ATOH8: variants seen among roughly 807,000 people sequenced by gnomAD.
ATOH8 encodes the protein atonal bHLH transcription factor 8.
Under a neutral mutation model 21.2 loss-of-function variants are expected in ATOH8, and 9 were observed. That is an observed-to-expected ratio of 0.42 (90% CI 0.26 to 0.74). The LOEUF is 0.74. Ranked by LOEUF, ATOH8 falls within the 30% of genes least tolerant of loss-of-function variation. The probability of loss-of-function intolerance (pLI) is 0.24; values close to 1 mark genes in which losing one functional copy is unlikely to be tolerated. For missense variants in ATOH8, 524 were observed against 470.9 expected (o/e 1.11, Z -1.04); for synonymous variants, 253 against 224.0 (o/e 1.13, Z -1.16).
intron 2 of ATOH8, among the ~76,000 whole-genome samples, chr2:85,786,015 C>T (rs1680613815): frequency 6.6e-6 from 1 of 152,150 alleles, no homozygotes; most frequent in Admixed American, 6.5e-5. Context: ...CATGACCTTG[C>T]CCCCTGTCCC....
chr2:85,758,692 C>T (rs985815691), intron 1 of ATOH8, among the ~76,000 whole-genome samples: 3 of 152,140 alleles, frequency 2.0e-5, no homozygotes, highest in East Asian at 1.9e-4. Flanking sequence ...GAGAGGCCCT[C>T]TGGTCTGGTC....
chr2:85,767,400 G>A (rs961008429), intron 2 of ATOH8, among the ~76,000 whole-genome samples: 1 of 151,768 alleles, frequency 6.6e-6, no homozygotes, highest in Non-Finnish European at 1.5e-5. Flanking sequence ...AGGGGCCAGG[G>A]GAAGCCCAGG....
chr2:85,771,169 C>T (rs1360393141), intron 2 of ATOH8, among the ~76,000 whole-genome samples: 1 of 152,168 alleles, frequency 6.6e-6, no homozygotes, highest in East Asian at 1.9e-4. Context: ...CAGGAACGCA[C>T]GCTATGGCGG....
chr2:85,768,893 C>T (rs1160497893), intron 2 of ATOH8, among the ~76,000 whole-genome samples: 2 of 152,238 alleles, frequency 1.3e-5, no homozygotes, highest in African/African-American at 2.4e-5. Context: ...TGTCAGAGGC[C>T]GCCCAGCAGA....
At chr2:85,773,798 C>T (rs72928951) in intron 2 of ATOH8, 7 of 152,264 alleles carry the variant, frequency 4.6e-5, no homozygotes. Flanking sequence ...TCTCAGCTTT[C>T]CTCCCACTTC....
At position 85,755,604 on chromosome 2, in the gene ATOH8, G is replaced by A. The variant is rs571669206; in HGVS notation, c.768+647G>A. 2.6e-5 allele frequency among the ~76,000 whole-genome samples: 4 copies of A among 152,334 alleles called. No homozygotes were observed. The East Asian group carries it at 7.7e-4, about 29-fold the overall frequency. ...AGCAGGCAGCTCTGCCGAGGGGACT[G>A]CCTAGGTTGGGGATTCCCTCTGGAG... is the stretch of plus-strand genomic sequence containing the variant. On this transcript the variant is annotated intron_variant, in intron 1 of 2. Transcript: ENST00000306279.
intron 2 of ATOH8, among the ~76,000 whole-genome samples, chr2:85,782,609 A>G (rs1680525020): frequency 6.6e-6 from 1 of 152,258 alleles, no homozygotes; most frequent in Admixed American, 6.5e-5. Flanking sequence ...AACATCTTGC[A>G]ATATATAAAG....
At position 85,759,389 on chromosome 2, in the gene ATOH8, C is replaced by T. The variant is rs934697084; in HGVS notation, c.768+4432C>T. On this transcript the variant is annotated intron_variant, in intron 1 of 2. Transcript: ENST00000306279. Reference sequence around the variant, plus strand: ...GTGGCTGCCGTGGAGCCTCACTGCACTGAGTGAGGCCTTACCTGAGCCTGC... The same window carrying T: ...GTGGCTGCCGTGGAGCCTCACTGCATTGAGTGAGGCCTTACCTGAGCCTGC... Among the ~76,000 whole-genome samples the T allele has an allele frequency of 7.9e-5, 12 of 152,266 alleles. 1 individual carries two copies. The highest frequency in any genetic ancestry group is 7.2e-4 in the Admixed American group (11 of 15,296).
At chr2:85,774,700 C>CA in intron 2 of ATOH8, 1 of 985,460 alleles carries the variant, frequency 1.0e-6, no homozygotes, top group Non-Finnish European at 1.2e-6. Context: ...CCCTACAGGC[C>CA]AAGGGATGAG....
At chr2:85,758,500 G>A (rs77035871) in intron 1 of ATOH8, among the ~76,000 whole-genome samples, 6,369 of 152,284 alleles carry the variant, frequency 0.042, 453 homozygotes, top group East Asian at 0.24. Flanking sequence ...CTTGGGTTGG[G>A]CTCCCAGGGC....
At chr2:85,780,810 C>T (rs559876245) in intron 2 of ATOH8, among the ~76,000 whole-genome samples, 5 of 152,248 alleles carry the variant, frequency 3.3e-5, no homozygotes, top group African/African-American at 7.2e-5. Context: ...CCTCCAAGCC[C>T]GGACACAGCA....
At chr2:85,781,205 T>C (rs1282057388) in intron 2 of ATOH8, 2 of 414,888 alleles carry the variant, frequency 4.8e-6, no homozygotes, top group East Asian at 1.6e-4. Flanking sequence ...TATGGGACAA[T>C]AGTTAACCAA....
rs1680015328 is a variant in ATOH8 at position 85,766,352 on chromosome 2, CGG to C, written c.960+2172_960+2173del. On this transcript the variant is annotated intron_variant, in intron 2 of 2. Transcript: ENST00000306279. This position sits in a 1 kb window ranked among gnomAD's most constrained non-coding sequence, Gnocchi z 4.0. ...CACCCTCCCTCCCCCACACCCAGCC[CGG>C]GCCTGAGGGCACTTCCTGCCTCCTG... Among the ~76,000 whole-genome samples the C allele has an allele frequency of 6.6e-6, 1 of 151,970 alleles. No individual in the cohort carries two copies. Among genetic ancestry groups the C allele is most frequent in the Non-Finnish European group, 1.5e-5 (1 of 67,976 alleles).
chr2:85,764,250 G>C, intron 2 of ATOH8, 68 bp downstream of exon 2: 2 of 1,583,516 alleles, frequency 1.3e-6, no homozygotes, highest in Non-Finnish European at 1.7e-6. Flanking sequence ...GAACTTGGGG[G>C]TGCCCTGCCT....
chr2:85,779,422 A>C (rs1344425648), intron 2 of ATOH8, among the ~76,000 whole-genome samples: 1 of 152,264 alleles, frequency 6.6e-6, no homozygotes, highest in East Asian at 1.9e-4. Context: ...CTCGGCAGCC[A>C]GAGAGAGTGG....
At position 85,772,527 on chromosome 2, in the gene ATOH8, A is replaced by G. The variant is rs912589095; in HGVS notation, c.960+8345A>G. On this transcript the variant is annotated intron_variant, in intron 2 of 2. Transcript: ENST00000306279. ...ACGCGAGCTGGAAGCCCAAGCACTC[A>G]GTCACCACAGGCCTTGGCAGCCCGC... The G allele has an allele frequency of 1.4e-5, 5 of 351,786 alleles. 1 individual carries two copies. The highest frequency in any genetic ancestry group is 1.1e-4 in the South Asian group (5 of 45,754). The allele number at this position is 351,786 out of a possible 1,614,324, so 21.8% of individuals were successfully genotyped here.
intron 1 of ATOH8, among the ~76,000 whole-genome samples, chr2:85,757,979 G>A (rs981435815): frequency 2.0e-5 from 3 of 151,878 alleles, no homozygotes; most frequent in Non-Finnish European, 4.4e-5. Context: ...AGGGATGGGG[G>A]TTTCACCATG....
intron 2 of ATOH8, among the ~76,000 whole-genome samples, chr2:85,783,429 G>A (rs1680547153): frequency 1.3e-5 from 2 of 152,146 alleles, no homozygotes; most frequent in Non-Finnish European, 1.5e-5. Context: ...TTAGCCGGGT[G>A]TGGTGGCGCA....
At chr2:85,772,486 A>G (rs1680212257) in intron 2 of ATOH8, 1 of 339,612 alleles carries the variant, frequency 2.9e-6, no homozygotes, top group African/African-American at 2.2e-5. Context: ...CACGGAGGGC[A>G]GAGGGCAGGG....
Sources: gnomAD v4.1 joint callset for allele counts (sites outside exome capture counted in the v4.1 genomes callset) on GRCh38, gnomAD v4.1.1 for gene constraint, Gnocchi (gnomAD v3.1) non-coding constraint, MANE v1.5 for transcripts, NCBI Gene and HGNC (gene_info 2026-07-23, HGNC 2026-07-21) for gene names.